Variants in FBXL17 observed in about 807,000 individuals in gnomAD.
FBXL17 encodes the protein F-box/LRR-repeat protein 17.
A neutral mutation model predicts 66.2 loss-of-function variants in FBXL17; 22 were observed. The observed-to-expected ratio is 0.33, with a 90% CI of 0.24 to 0.47. The LOEUF (loss-of-function observed/expected upper bound fraction) is 0.47, where lower values mean the gene tolerates loss of function less well. Among genes scored for constraint, FBXL17 ranks in the 20% least tolerant of loss-of-function variants. The probability of loss-of-function intolerance (pLI) is 1.00; values close to 1 mark genes in which losing one functional copy is unlikely to be tolerated. For synonymous variants in FBXL17, 474 were observed against 400.5 expected, an observed-to-expected ratio of 1.18 and a Z score of -2.19; for missense variants, 878 against 948.2, an observed-to-expected ratio of 0.93 and a Z score of 0.97.
At chr5:108,181,613 G>A (rs1172882764) in intron 6 of FBXL17, among the ~76,000 whole-genome samples, 2 of 152,018 alleles carry the variant, frequency 1.3e-5, no homozygotes, top group African/African-American at 2.4e-5. Context: ...TAAAACCTAC[G>A]ATAAATGTTA....
rs73204776 is a variant in FBXL17 at position 107,982,490 on chromosome 5, T to G, written c.1822+38435A>C. Among the ~76,000 whole-genome samples the G allele has an allele frequency of 1.7e-3, 254 of 152,202 alleles. 1 individual carries two copies. The highest frequency in any genetic ancestry group is 5.3e-3 in the African/African-American group (222 of 41,516). On this transcript the variant is annotated intron_variant, in intron 7 of 8. Coordinates refer to ENST00000542267, the MANE Select transcript of FBXL17 (RefSeq NM_001163315.3). ...AAACCACATAGCAATGAACTTGCTA[T>G]AAAAATAACAATGATATTTCAGAAC...
At chr5:108,266,882 A>G (rs1757066582) in intron 4 of FBXL17, among the ~76,000 whole-genome samples, 1 of 152,128 alleles carries the variant, frequency 6.6e-6, no homozygotes, top group African/African-American at 2.4e-5. Flanking sequence ...GTTTAGCACT[A>G]TCTGTGGTTT....
At chr5:108,359,156 A>T (rs1748188543) in intron 3 of FBXL17, among the ~76,000 whole-genome samples, 1 of 152,084 alleles carries the variant, frequency 6.6e-6, no homozygotes, top group Non-Finnish European at 1.5e-5. Context: ...AGTCAGTAGT[A>T]ATGTCTACTC....
intron 6 of FBXL17, among the ~76,000 whole-genome samples, chr5:108,037,157 G>A (rs1184617402): frequency 6.6e-6 from 1 of 152,114 alleles, no homozygotes; most frequent in Non-Finnish European, 1.5e-5. Context: ...GGATTGAGAA[G>A]ACACCATGAT....
At chr5:107,956,451 C>T (rs1464216443) in intron 7 of FBXL17, among the ~76,000 whole-genome samples, 2 of 152,132 alleles carry the variant, frequency 1.3e-5, no homozygotes, top group East Asian at 1.9e-4. Context: ...AAGTGTAAGG[C>T]GTAGTGATCA....
At position 108,239,637 on chromosome 5, in the gene FBXL17, G is replaced by T. The variant is rs138075194; in HGVS notation, c.1507-15409C>A. On this transcript the variant is annotated intron_variant, in intron 4 of 8. Coordinates refer to ENST00000542267, the MANE Select transcript of FBXL17 (RefSeq NM_001163315.3). ...CTTGAAAGGCAGTCTATGCCACAAA[G>T]ACTGCAATTCCTAAGCAAGTCTTGT... 4.5e-3 allele frequency among the ~76,000 whole-genome samples: 687 copies of T among 152,248 alleles called. 12 individuals are homozygous for T. Among genetic ancestry groups the T allele is most frequent in the Non-Finnish European group, 2.8e-3 (193 of 68,022 alleles).
chr5:107,894,106 T>C (rs561869544), intron 7 of FBXL17, among the ~76,000 whole-genome samples: 108 of 152,330 alleles, frequency 7.1e-4, no homozygotes, highest in African/African-American at 2.5e-3. Flanking sequence ...AGAAAATGGC[T>C]GAACCCAAAG....
chr5:107,883,297 G>A (rs1748854093), intron 7 of FBXL17, among the ~76,000 whole-genome samples: 1 of 152,166 alleles, frequency 6.6e-6, no homozygotes, highest in African/African-American at 2.4e-5. Context: ...ATAGTAAGTG[G>A]GGGAGTGGAT....
At chr5:108,315,933 T>C (rs1759341458) in intron 4 of FBXL17, among the ~76,000 whole-genome samples, 1 of 151,538 alleles carries the variant, frequency 6.6e-6, no homozygotes, top group African/African-American at 2.4e-5. Context: ...CTATCATTTT[T>C]AGACATTCCA....
At chr5:108,306,453 C>T (rs1758845859) in intron 4 of FBXL17, among the ~76,000 whole-genome samples, 1 of 152,030 alleles carries the variant, frequency 6.6e-6, no homozygotes, top group Admixed American at 6.6e-5. Flanking sequence ...TAACCTTGTA[C>T]CTGAAATATA....
intron 4 of FBXL17, among the ~76,000 whole-genome samples, chr5:108,308,674 C>G (rs945604593): frequency 6.6e-6 from 1 of 152,126 alleles, no homozygotes; most frequent in African/African-American, 2.4e-5. Context: ...GGTTGCTGCT[C>G]AGAACAGAAT....
At chr5:108,139,791 G>T (rs77623112) in intron 6 of FBXL17, among the ~76,000 whole-genome samples, 3 of 151,996 alleles carry the variant, frequency 2.0e-5, no homozygotes, top group African/African-American at 4.8e-5. Flanking sequence ...TCTACTCCCC[G>T]CCTCCTTCAG....
rs150304630 is a variant in FBXL17 at position 108,371,969 on chromosome 5, C to T, written c.994-4016G>A. 2.7e-3 allele frequency among the ~76,000 whole-genome samples: 415 copies of T among 152,266 alleles called. 4 individuals carry two copies. The highest frequency in any genetic ancestry group is 9.6e-3 in the African/African-American group (397 of 41,548). On this transcript the variant is annotated intron_variant, in intron 1 of 8. Transcript: ENST00000542267. Reference sequence around the variant, plus strand: ...ATCCCATCATGCTGCTGAGTGACATCACCTAGACAGGTAAGCCTGCTCTCC... The same window carrying T: ...ATCCCATCATGCTGCTGAGTGACATTACCTAGACAGGTAAGCCTGCTCTCC...
At chr5:108,154,612 T>TAA (rs1407716122) in intron 6 of FBXL17, among the ~76,000 whole-genome samples, 1 of 95,458 alleles carries the variant, frequency 1.0e-5, no homozygotes, top group Non-Finnish European at 2.0e-5. Context: ...AAAAAATATA[T>TAA]ATATACACAC....
intron 4 of FBXL17, among the ~76,000 whole-genome samples, chr5:108,343,745 C>A (rs757793170): frequency 1.2e-4 from 18 of 152,086 alleles, no homozygotes; most frequent in Non-Finnish European, 2.9e-5. Flanking sequence ...ACTGCTACAA[C>A]AGCCTCAAAT....
intron 4 of FBXL17, among the ~76,000 whole-genome samples, chr5:108,253,152 A>C (rs1242813499): frequency 6.6e-6 from 1 of 152,222 alleles, no homozygotes. Context: ...AATGAAGAGA[A>C]GAAAAGCTTT....
chr5:108,119,050 C>T (rs907992245), intron 6 of FBXL17, among the ~76,000 whole-genome samples: 1 of 152,136 alleles, frequency 6.6e-6, no homozygotes, highest in African/African-American at 2.4e-5. Flanking sequence ...TTTCAAATTG[C>T]TGCAATTATT....
chr5:108,128,570 T>C lies in FBXL17; in HGVS notation c.1745+57547A>G, dbSNP rs116573067. ...TGTCCTGGGGCACATAGAAACTCTATGATAAAAACAGCAACCAAGAGAGCT... is the reference window on the plus strand; with the variant it reads ...TGTCCTGGGGCACATAGAAACTCTACGATAAAAACAGCAACCAAGAGAGCT... On this transcript the variant is annotated intron_variant, in intron 6 of 8. Coordinates refer to ENST00000542267, the MANE Select transcript of FBXL17 (RefSeq NM_001163315.3). 8.4e-3 allele frequency among the ~76,000 whole-genome samples: 1,275 copies of C among 152,314 alleles called. 9 individuals carry two copies. Among genetic ancestry groups the C allele is most frequent in the Non-Finnish European group, 0.014 (920 of 68,024 alleles).
At chr5:107,920,627 G>A (rs1750284349) in intron 7 of FBXL17, among the ~76,000 whole-genome samples, 1 of 152,126 alleles carries the variant, frequency 6.6e-6, no homozygotes, top group South Asian at 2.1e-4. Flanking sequence ...TCTGTAATAT[G>A]AATAAATCCA....
Sources: gnomAD v4.1 joint callset for allele counts (sites outside exome capture counted in the v4.1 genomes callset) on GRCh38, gnomAD v4.1.1 for gene constraint, MANE v1.5 for transcripts, NCBI Gene and HGNC (gene_info 2026-07-23, HGNC 2026-07-21) for gene names.